Variants in CSMD3 observed in about 807,000 individuals in gnomAD.
The protein encoded by CSMD3 is CUB and Sushi multiple domains 3.
In CSMD3, 177 loss-of-function variants were observed where a neutral mutation model predicts 435.2. The ratio of observed to expected loss-of-function variants is 0.41; its 90% CI spans 0.36 to 0.46. The LOEUF is 0.46. Among genes scored for constraint, CSMD3 ranks in the 20% least tolerant of loss-of-function variants. The pLI, the probability that CSMD3 is intolerant of heterozygous loss-of-function variation, is 0.34. For missense variants in CSMD3, 4,265 were observed against 4,504.6 expected (o/e 0.95, Z 1.52); for synonymous variants, 1,656 against 1,520.5 (o/e 1.09, Z -2.07).
intron 1 of CSMD3, among the ~76,000 whole-genome samples, chr8:113,346,593 G>C (rs186217676): frequency 3.1e-4 from 47 of 152,146 alleles, no homozygotes; most frequent in African/African-American, 1.0e-3. Flanking sequence ...GGATGTAGCT[G>C]TGTTCTTTGT....
intron 1 of CSMD3, among the ~76,000 whole-genome samples, chr8:113,361,337 C>G (rs973300714): frequency 6.6e-6 from 1 of 152,044 alleles, no homozygotes; most frequent in Non-Finnish European, 1.5e-5. Flanking sequence ...TATTTTGAAC[C>G]AGTTGCACTC....
intron 7 of CSMD3, among the ~76,000 whole-genome samples, 159 bp downstream of exon 7, chr8:112,975,678 A>C (rs1226699863): frequency 6.6e-6 from 1 of 151,844 alleles, no homozygotes; most frequent in East Asian, 1.9e-4. Context: ...AAATTATTCC[A>C]GTTTTGGTTG....
intron 4 of CSMD3, among the ~76,000 whole-genome samples, chr8:113,152,949 C>T (rs766916117): frequency 1.4e-4 from 21 of 146,372 alleles, no homozygotes; most frequent in Admixed American, 5.6e-4. Flanking sequence ...CCAGCCTGGA[C>T]GACAGAGTGA....
At chr8:112,635,457 T>C (rs1044253083) in intron 22 of CSMD3, among the ~76,000 whole-genome samples, 1 of 151,766 alleles carries the variant, frequency 6.6e-6, no homozygotes, top group Non-Finnish European at 1.5e-5. Context: ...TGAAGTAAAG[T>C]ACAGGAATTT....
chr8:113,227,751 C>G (rs2093043656), intron 3 of CSMD3, among the ~76,000 whole-genome samples: 1 of 151,630 alleles, frequency 6.6e-6, no homozygotes, highest in African/African-American at 2.4e-5. Flanking sequence ...TGAGGCCACC[C>G]CAGTCATGTG....
At chr8:113,272,095 T>C (rs979435507) in intron 3 of CSMD3, among the ~76,000 whole-genome samples, 4 of 152,190 alleles carry the variant, frequency 2.6e-5, no homozygotes, top group Non-Finnish European at 5.9e-5. Context: ...CCATTGTATC[T>C]AGGAAATAAC....
At chr8:112,932,682 G>A (rs1333360849) in intron 9 of CSMD3, among the ~76,000 whole-genome samples, 1 of 152,064 alleles carries the variant, frequency 6.6e-6, no homozygotes, top group Non-Finnish European at 1.5e-5. Context: ...GGTGTGCAGT[G>A]TGTGTGTGCG....
intron 38 of CSMD3, among the ~76,000 whole-genome samples, chr8:112,352,908 C>G (rs549724070): frequency 6.6e-6 from 1 of 151,976 alleles, no homozygotes; most frequent in East Asian, 1.9e-4. Flanking sequence ...ATAAATAATA[C>G]TTTAAAAACA....
intron 2 of CSMD3, among the ~76,000 whole-genome samples, chr8:113,293,888 T>A (rs1367691009): frequency 6.6e-6 from 1 of 152,152 alleles, no homozygotes; most frequent in Non-Finnish European, 1.5e-5. Flanking sequence ...TACATTTAGT[T>A]ACAGTTAACT....
chr8:113,280,630 G>T (rs1418401374), intron 2 of CSMD3, among the ~76,000 whole-genome samples: 1 of 151,458 alleles, frequency 6.6e-6, no homozygotes, highest in East Asian at 1.9e-4. Flanking sequence ...TTTATCTTTT[G>T]TAATTTTTTT....
At chr8:112,534,663 C>A (rs1399933741) in intron 27 of CSMD3, among the ~76,000 whole-genome samples, 7 of 152,106 alleles carry the variant, frequency 4.6e-5, no homozygotes, top group Non-Finnish European at 8.8e-5. Context: ...AGAGGGAATC[C>A]TCCCTAACTC....
chr8:113,358,504 C>T (rs576125329), intron 1 of CSMD3, among the ~76,000 whole-genome samples: 1 of 152,242 alleles, frequency 6.6e-6, no homozygotes, highest in East Asian at 1.9e-4. Context: ...AGGCGTATGC[C>T]ACCACGCTTA....
At chr8:113,427,050 A>T (rs574424239) in intron 1 of CSMD3, among the ~76,000 whole-genome samples, 2 of 151,650 alleles carry the variant, frequency 1.3e-5, no homozygotes, top group South Asian at 4.1e-4. Context: ...TAAAATTAAA[A>T]AGACAGGTTA....
intron 3 of CSMD3, among the ~76,000 whole-genome samples, chr8:113,247,585 T>A (rs1021643224): frequency 1.3e-5 from 2 of 152,148 alleles, no homozygotes; most frequent in African/African-American, 4.8e-5. Context: ...AAAAAATGAA[T>A]TTTGACAATT....
intron 25 of CSMD3, among the ~76,000 whole-genome samples, chr8:112,555,654 A>T (rs1201028289): frequency 2.0e-5 from 3 of 152,020 alleles, no homozygotes; most frequent in African/African-American, 7.2e-5. Context: ...ATGTTTTAAT[A>T]AACCAACAGA....
At chr8:112,574,220 C>T (rs2131304734) in intron 23 of CSMD3, among the ~76,000 whole-genome samples, 2 of 151,984 alleles carry the variant, frequency 1.3e-5, no homozygotes, top group South Asian at 4.1e-4. Context: ...TGATAAGCTC[C>T]CACACATCAT....
rs574917618 is a variant in CSMD3 at position 112,255,401 on chromosome 8, G to A, written c.9889C>T (p.Pro3297Ser). ...LPKFCGDPGI[P>S]AQGKREGKSF... The stretch of plus-strand genomic sequence containing the variant: ...TTGCCTTCTCTTTTTCCTTGGGCAG[G>A]TATACCAGGGTCACCACAAAACTTT... The change falls in exon 62 of 71, where the codon CCT (proline) becomes TCT (serine). Residue 3297 changes from proline to serine, a missense_variant. Physicochemically the swap from Pro to Ser is moderately conservative, Grantham distance 74 (BLOSUM62 -1). Transcript: ENST00000297405. The A allele has an allele frequency of 6.2e-7, 1 of 1,613,530 alleles. No homozygotes were observed. Among genetic ancestry groups the A allele is most frequent in the South Asian group, 1.1e-5 (1 of 91,056 alleles).
chr8:113,285,418 G>A (rs1005924230), intron 2 of CSMD3, among the ~76,000 whole-genome samples: 2 of 151,950 alleles, frequency 1.3e-5, no homozygotes, highest in African/African-American at 2.4e-5. Context: ...CCGCCACCAC[G>A]CCCAGCTAAG....
At chr8:112,430,470 T>G (rs1813539594) in intron 32 of CSMD3, among the ~76,000 whole-genome samples, 1 of 152,066 alleles carries the variant, frequency 6.6e-6, no homozygotes, top group South Asian at 2.1e-4. Flanking sequence ...CTCAACTAGC[T>G]GATAATTTGT....
Sources: allele counts gnomAD v4.1 joint callset (sites outside exome capture counted in the v4.1 genomes callset), GRCh38; gene constraint gnomAD v4.1.1; transcripts MANE v1.5; gene names NCBI Gene and HGNC (gene_info 2026-07-23, HGNC 2026-07-21).